GALNT17: variants seen among roughly 807,000 people sequenced by gnomAD.
The protein encoded by GALNT17 is UDP-GalNAc:polypeptide N-acetylgalactosaminyltransferase-like 3.
In GALNT17, 29 loss-of-function variants were observed where a neutral mutation model predicts 63.7. That is an observed-to-expected ratio of 0.46 (90% CI 0.34 to 0.62). GALNT17 has a LOEUF of 0.62. Ranked by LOEUF, GALNT17 falls within the 20% of genes least tolerant of loss-of-function variation. The pLI, the probability that GALNT17 is intolerant of heterozygous loss-of-function variation, is 0.01. For synonymous variants in GALNT17, 305 were observed against 318.3 expected, an observed-to-expected ratio of 0.96 and a Z score of 0.45; for missense variants, 603 against 799.6, an observed-to-expected ratio of 0.75 and a Z score of 2.97.
chr7:71,708,613 G>A (rs1791751761), intron 9 of GALNT17, among the ~76,000 whole-genome samples: 1 of 152,202 alleles, frequency 6.6e-6, no homozygotes, highest in African/African-American at 2.4e-5. Context: ...TAACAAGGGT[G>A]TATTGCATGA....
chr7:71,548,441 G>A (rs888853986), intron 5 of GALNT17, among the ~76,000 whole-genome samples: 1 of 152,170 alleles, frequency 6.6e-6, no homozygotes, highest in African/African-American at 2.4e-5. Context: ...GTTGGGAGGA[G>A]GGAGGAAACT....
intron 9 of GALNT17, among the ~76,000 whole-genome samples, chr7:71,677,936 T>C (rs1330672071): frequency 2.0e-5 from 3 of 151,980 alleles, no homozygotes; most frequent in African/African-American, 7.2e-5. Flanking sequence ...CCCTTCCTCC[T>C]AAGGTGGGTG....
chr7:71,345,351 G>C (rs568876785), intron 2 of GALNT17, among the ~76,000 whole-genome samples: 9 of 152,106 alleles, frequency 5.9e-5, no homozygotes, highest in African/African-American at 2.2e-4. Context: ...ATTTATGAGC[G>C]GTTTCTACTG....
At chr7:71,649,760 T>A (rs1790730053) in intron 6 of GALNT17, among the ~76,000 whole-genome samples, 1 of 152,180 alleles carries the variant, frequency 6.6e-6, no homozygotes, top group African/African-American at 2.4e-5. Context: ...AGTTAGCAAC[T>A]GCAGGGAAGT....
chr7:71,626,829 T>C (rs1279290848), intron 6 of GALNT17, among the ~76,000 whole-genome samples: 2 of 152,316 alleles, frequency 1.3e-5, no homozygotes, highest in African/African-American at 4.8e-5. Context: ...AGAGGGAGAA[T>C]GACTACAGCC....
At chr7:71,574,398 C>G (rs1192619067) in intron 6 of GALNT17, among the ~76,000 whole-genome samples, 1 of 152,166 alleles carries the variant, frequency 6.6e-6, no homozygotes, top group Non-Finnish European at 1.5e-5. Flanking sequence ...TCACTTGCAT[C>G]AGGGTCATAG....
intron 2 of GALNT17, among the ~76,000 whole-genome samples, chr7:71,356,855 C>T (rs1173857893): frequency 6.6e-6 from 1 of 152,112 alleles, no homozygotes; most frequent in Non-Finnish European, 1.5e-5. Context: ...CATCTTGAGT[C>T]ACTGCAACCA....
At chr7:71,643,989 A>G (rs1790639014) in intron 6 of GALNT17, among the ~76,000 whole-genome samples, 1 of 152,212 alleles carries the variant, frequency 6.6e-6, no homozygotes, top group African/African-American at 2.4e-5. Flanking sequence ...TGGAAGCTGA[A>G]AAATGAATTG....
At chr7:71,201,469 T>C (rs914149738) in intron 1 of GALNT17, among the ~76,000 whole-genome samples, 1 of 151,960 alleles carries the variant, frequency 6.6e-6, no homozygotes, top group Non-Finnish European at 1.5e-5. Flanking sequence ...CAATGTTGTT[T>C]GTTTTATTCC....
intron 1 of GALNT17, among the ~76,000 whole-genome samples, chr7:71,251,727 T>G (rs1444523435): frequency 2.0e-5 from 3 of 152,212 alleles, no homozygotes; most frequent in Non-Finnish European, 4.4e-5. Flanking sequence ...TGATAATTCC[T>G]TTTGGACCTA....
At chr7:71,619,297 A>C (rs1048803479) in intron 6 of GALNT17, among the ~76,000 whole-genome samples, 1 of 152,174 alleles carries the variant, frequency 6.6e-6, no homozygotes, top group Non-Finnish European at 1.5e-5. Context: ...ATCCATATGA[A>C]TTTTAGAATA....
At chr7:71,639,059 A>G (rs1342727301) in intron 6 of GALNT17, among the ~76,000 whole-genome samples, 4 of 152,190 alleles carry the variant, frequency 2.6e-5, no homozygotes, top group South Asian at 2.1e-4. Context: ...TAACAACTCA[A>G]TTGCATTTTA....
chr7:71,640,858 A>G (rs113413323), intron 6 of GALNT17, among the ~76,000 whole-genome samples: 2 of 151,460 alleles, frequency 1.3e-5, no homozygotes, highest in South Asian at 2.1e-4. Context: ...AAAAAAAAAA[A>G]CTAAACTAAA....
intron 1 of GALNT17, among the ~76,000 whole-genome samples, chr7:71,216,147 C>T (rs1366989943): frequency 1.3e-5 from 2 of 151,996 alleles, no homozygotes; most frequent in African/African-American, 4.8e-5. Context: ...AGTCCAGGAA[C>T]TAGAGATTGC....
chr7:71,431,019 C>T (rs993260910), intron 5 of GALNT17, among the ~76,000 whole-genome samples: 1 of 151,956 alleles, frequency 6.6e-6, no homozygotes, highest in African/African-American at 2.4e-5. Context: ...TGTGTGATAG[C>T]ACTTCAGGGC....
intron 5 of GALNT17, among the ~76,000 whole-genome samples, chr7:71,508,778 C>T (rs988709311): frequency 1.3e-5 from 2 of 152,132 alleles, no homozygotes; most frequent in African/African-American, 2.4e-5. Flanking sequence ...GTTCCTTCCC[C>T]AGTGACAGAC....
intron 5 of GALNT17, among the ~76,000 whole-genome samples, chr7:71,521,602 T>A (rs1339392465): frequency 6.6e-6 from 1 of 152,248 alleles, no homozygotes. Context: ...AACGCAGTTC[T>A]GAGCCAGCTG....
At chr7:71,538,517 T>C (rs1788836553) in intron 5 of GALNT17, among the ~76,000 whole-genome samples, 1 of 152,148 alleles carries the variant, frequency 6.6e-6, no homozygotes. Flanking sequence ...GTTAACCTAA[T>C]AAAATTGATT....
intron 6 of GALNT17, among the ~76,000 whole-genome samples, chr7:71,643,740 C>G (rs1181883848): frequency 1.3e-5 from 2 of 152,062 alleles, no homozygotes; most frequent in African/African-American, 4.8e-5. Flanking sequence ...TAGAATTGTT[C>G]AAACAGACCC....
Sources: allele counts gnomAD v4.1 joint callset (sites outside exome capture counted in the v4.1 genomes callset), GRCh38; gene constraint gnomAD v4.1.1; transcripts MANE v1.5; gene names NCBI Gene and HGNC (gene_info 2026-07-23, HGNC 2026-07-21).